DCP2: variants seen among roughly 807,000 people sequenced by gnomAD.
The protein encoded by DCP2 is decapping mRNA 2.
DCP2 carries 30 observed loss-of-function variants against 56.1 expected under a neutral mutation model. The ratio of observed to expected loss-of-function variants is 0.53; its 90% confidence interval spans 0.40 to 0.73. DCP2 has a LOEUF of 0.73. Ranked by LOEUF, DCP2 falls within the 30% of genes least tolerant of loss-of-function variation. The probability of loss-of-function intolerance (pLI) is 0.00; values close to 1 mark genes in which losing one functional copy is unlikely to be tolerated. For synonymous variants in DCP2, 197 were observed against 163.3 expected (o/e 1.21, Z -1.57); for missense variants, 533 against 502.7 (o/e 1.06, Z -0.58).
At chr5:112,986,109 A>G (rs1748271851) in intron 2 of DCP2, 123 bp downstream of exon 2, 1 of 975,266 alleles carries the variant, frequency 1.0e-6, no homozygotes, top group East Asian at 2.6e-5. Context: ...GATTGCTAAA[A>G]TTTGTCAAAC....
At chr5:113,010,626 A>G (rs766830190) in intron 9 of DCP2, 130 bp from the exon 10 acceptor site, 8 of 1,072,912 alleles carry the variant, frequency 7.5e-6, no homozygotes, top group Non-Finnish European at 1.0e-5. Flanking sequence ...GAATGGGATG[A>G]TGATTATATT....
intron 8 of DCP2, among the ~76,000 whole-genome samples, chr5:113,004,924 C>T (rs993553300): frequency 6.6e-5 from 10 of 151,040 alleles, no homozygotes; most frequent in African/African-American, 2.0e-4. Flanking sequence ...GTCATAAGTT[C>T]GAGATCAGCC....
intron 2 of DCP2, among the ~76,000 whole-genome samples, chr5:112,988,265 T>G (rs1363057639): frequency 1.3e-5 from 2 of 149,894 alleles, no homozygotes; most frequent in Admixed American, 6.7e-5. Flanking sequence ...GGCGGATCAC[T>G]AAGTCAGGAG....
rs756013447 is a variant in DCP2, at chr5:113,013,512, A to T, written c.*28A>T. The T allele has an allele frequency of 3.1e-6, 5 of 1,611,590 alleles. No homozygotes were observed. The highest frequency in any genetic ancestry group is 4.2e-6 in the Non-Finnish European group (5 of 1,178,606). On this transcript the variant is annotated 3_prime_UTR_variant, in exon 11 of 11. Transcript: ENST00000389063. ...GCAGCACATGTATTGTAAATGTCCCAGGATCAGAGACCTGTTGAATTTGAG... is the reference window on the plus strand; with the variant it reads ...GCAGCACATGTATTGTAAATGTCCCTGGATCAGAGACCTGTTGAATTTGAG...
chr5:113,007,321 G>C (rs1042244099), intron 8 of DCP2, among the ~76,000 whole-genome samples: 1 of 151,714 alleles, frequency 6.6e-6, no homozygotes, highest in Non-Finnish European at 1.5e-5. Flanking sequence ...TTCCATTTAT[G>C]CATTAGAAAC....
Position 113,021,600 on chromosome 5 carries a change from G to GGAAA in DCP2, c.*8121_*8124dup, listed in dbSNP as rs1392846475. On this transcript the variant is annotated 3_prime_UTR_variant, in exon 11 of 11. Transcript: ENST00000389063. ...AATACTTAACTTTGGATCTCAAGGG[G>GGAAA]GAAAGAAATACATTCTTTTCCATTA... Among the ~76,000 whole-genome samples, 2 of 152,114 alleles carry GGAAA rather than the reference G, an allele frequency of 1.3e-5. No individual in the cohort carries two copies. Among genetic ancestry groups the GGAAA allele is most frequent in the South Asian group, 2.1e-4 (1 of 4,820 alleles).
rs1432624503 is a variant in DCP2, at chr5:113,016,784, A to C, written c.*3300A>C. 3 of 151,164 alleles carry C rather than the reference A, an allele frequency of 2.0e-5. No homozygotes were observed. The highest frequency in any genetic ancestry group is 6.6e-5 in the Admixed American group (1 of 15,182). 9.4% of individuals were successfully genotyped at this position (151,164 alleles called of 1,614,324 possible). ...TTAAATGGTAAGGAGAGCAAAGTTA[A>C]TTATAAAAATTAGACATTTTGCCAA... On this transcript the variant is annotated 3_prime_UTR_variant, in exon 11 of 11. Coordinates refer to ENST00000389063, the MANE Select transcript of DCP2 (RefSeq NM_152624.6).
intron 4 of DCP2, among the ~76,000 whole-genome samples, chr5:112,993,964 T>C (rs1748721028): frequency 6.6e-6 from 1 of 151,682 alleles, no homozygotes; most frequent in Admixed American, 6.6e-5. Flanking sequence ...TTTTATTTAT[T>C]TATTTATTTA....
intron 10 of DCP2, 33 bp from the exon 11 acceptor site, chr5:113,013,286 ACT>A: frequency 6.3e-7 from 1 of 1,590,448 alleles, no homozygotes; most frequent in African/African-American, 1.4e-5. Context: ...TACTAAGGTT[ACT>A]GAGCTTATTT....
chr5:113,008,076 TTCATCCTCTGAAGA>T (rs1398153438), intron 9 of DCP2, 34 bp downstream of exon 9: 5 of 1,559,778 alleles, frequency 3.2e-6, no homozygotes, highest in Non-Finnish European at 4.4e-6. Flanking sequence ...AAGTAGGCAG[TTCATCCTCTGAAGA>T]GTGAAACAAG....
At chr5:112,984,110 C>G (rs946786764) in intron 1 of DCP2, 5 of 152,120 alleles carry the variant, frequency 3.3e-5, no homozygotes, top group African/African-American at 9.7e-5. Flanking sequence ...GTAGAGTTGA[C>G]AGATGTGTAC....
intron 8 of DCP2, among the ~76,000 whole-genome samples, chr5:113,006,628 A>G (rs1281547576): frequency 1.3e-5 from 2 of 151,980 alleles, no homozygotes; most frequent in Admixed American, 1.3e-4. Context: ...TTTTATATAT[A>G]TATATTTTAG....
intron 4 of DCP2, 74 bp from the exon 5 acceptor site, chr5:113,001,010 C>T (rs1428398677): frequency 1.4e-6 from 2 of 1,400,588 alleles, no homozygotes; most frequent in Admixed American, 5.2e-5. Flanking sequence ...GAGTTTTTGT[C>T]TTGGGAATAA....
At chr5:112,980,264 T>A (rs1747938085) in intron 1 of DCP2, among the ~76,000 whole-genome samples, 1 of 152,190 alleles carries the variant, frequency 6.6e-6, no homozygotes, top group African/African-American at 2.4e-5. Flanking sequence ...AAGCCCTTTT[T>A]AAGAGTTGGG....
At chr5:112,985,470 A>C (rs553371444) in intron 1 of DCP2, among the ~76,000 whole-genome samples, 7 of 152,332 alleles carry the variant, frequency 4.6e-5, no homozygotes, top group African/African-American at 1.7e-4. Flanking sequence ...TGTAATAGCA[A>C]ACATTTTAAA....
chr5:113,011,034 G>A (rs998213023), intron 10 of DCP2, among the ~76,000 whole-genome samples: 1 of 152,186 alleles, frequency 6.6e-6, no homozygotes, highest in African/African-American at 2.4e-5. Flanking sequence ...TTTTATGAAT[G>A]TTAAGCCTTA....
rs1749770301 is a variant in DCP2 at position 113,013,642 on chromosome 5, G to C, written c.*158G>C. The C allele has an allele frequency of 2.5e-6, 2 of 816,252 alleles. No individual in the cohort carries two copies. The highest frequency in any genetic ancestry group is 5.1e-5 in the East Asian group (2 of 39,528). The allele number at this position is 816,252 out of a possible 1,614,324, so 50.6% of individuals were successfully genotyped here. A position where few individuals can be genotyped will look rare whatever the true frequency, so the allele number is the denominator to read the frequency against. ...TTTATAAGAGAGTAGAAAGAAACAC[G>C]AGTTTGCACTGTAAATGCAGTTATA... On this transcript the variant is annotated 3_prime_UTR_variant, in exon 11 of 11. Transcript: ENST00000389063.
chr5:112,992,901 C>CTT, intron 4 of DCP2, 131 bp downstream of exon 4: 24 of 115,732 alleles, frequency 2.1e-4, no homozygotes, highest in South Asian at 1.2e-3. Flanking sequence ...AAGTAACTTA[C>CTT]TTTTTTTTTT....
intron 4 of DCP2, among the ~76,000 whole-genome samples, chr5:113,000,424 A>C (rs139800744): frequency 5.8e-5 from 8 of 137,560 alleles, no homozygotes; most frequent in Non-Finnish European, 1.1e-4. Flanking sequence ...ACACACACAC[A>C]CCCACACACC....
Sources: allele counts gnomAD v4.1 joint callset (sites outside exome capture counted in the v4.1 genomes callset), GRCh38; gene constraint gnomAD v4.1.1; transcripts MANE v1.5; gene names NCBI Gene and HGNC (gene_info 2026-07-23, HGNC 2026-07-21).